The following ZNF717 variants were observed in gnomAD, a reference collection of about 807,000 sequenced individuals.
The protein encoded by ZNF717 is krueppel-like factor X17.
Under a neutral mutation model 13.8 loss-of-function variants are expected in ZNF717, and 9 were observed. The observed-to-expected ratio is 0.65, with a 90% confidence interval of 0.39 to 1.14. ZNF717 has a LOEUF of 1.14. Among genes scored for constraint, ZNF717 ranks in the 50% most tolerant of loss-of-function variants. The pLI is 0.01. For missense variants in ZNF717, 1,040 were observed against 1,080.7 expected, an observed-to-expected ratio of 0.96 and a Z score of 0.53; for synonymous variants, 327 against 364.1, an observed-to-expected ratio of 0.90 and a Z score of 1.16.
chr3:75,701,803 T>A (rs73112963), intron 6 of ZNF717, among the ~76,000 whole-genome samples: 1 of 151,350 alleles, frequency 6.6e-6, no homozygotes, highest in Non-Finnish European at 1.5e-5. Context: ...TATAATAATC[T>A]AATTAAAGAG....
chr3:75,733,881 A>C (rs867659251), downstream of ZNF717, among the ~76,000 whole-genome samples: 1,541 of 143,188 alleles, frequency 0.011, 33 homozygotes, highest in African/African-American at 0.037. Context: ...AAAAAAAAAA[A>C]CCATCAACTA....
intron 4 of ZNF717, among the ~76,000 whole-genome samples, chr3:75,723,474 T>C (rs1938210607): frequency 6.6e-6 from 1 of 152,234 alleles, no homozygotes. Context: ...AGAATAAGAA[T>C]ACTTGTACTA....
chr3:75,729,615 CAAAAAAAAAAA>C (rs369485280), downstream of ZNF717, among the ~76,000 whole-genome samples: 25 of 115,550 alleles, frequency 2.2e-4, no homozygotes, highest in African/African-American at 7.7e-4. Context: ...AACTCCATAT[CAAAAAAAAAAA>C]AAAAAAAAAA....
Position 75,738,966 on chromosome 3 carries a change from G to A in ZNF717, c.657C>T (p.Asn219=). 3 of 1,551,576 alleles carry A rather than the reference G, an allele frequency of 1.9e-6. No homozygotes were observed. The highest frequency in any genetic ancestry group is 1.2e-5 in the South Asian group (1 of 84,054). Reference sequence around the variant, plus strand: ...TATGTATAAAGAACATTGCCTCCGTGTTGAAGGTTTTCCCTTGTTCATTAC... The same window carrying A: ...TATGTATAAAGAACATTGCCTCCGTATTGAAGGTTTTCCCTTGTTCATTAC... ...FQCNEQGKTF[N]TEAMFFIHKR... Residue 219 remains asparagine, a synonymous_variant, in exon 5 of 5, where the codon AAC becomes AAT. Transcript: ENST00000652011.
At position 75,737,155 on chromosome 3, in the gene ZNF717, A is replaced by G; in HGVS notation, c.2468T>C (p.Phe823Ser). ...TACAAAGAGTTTTGACTTCTGGGAG[A>G]AGGTTTTCCTACATTCTTTACATTC... is the stretch of plus-strand genomic sequence containing the variant. ...PFECKECRKT[F>S]SQKSKLFVHH... Residue 823 changes from phenylalanine to serine, a missense_variant, in exon 5 of 5, where the codon TTC (phenylalanine) becomes TCC (serine). Around this residue, in one of 3 missense-constraint regions of ZNF717, gnomAD observed 873 missense variants for 832.8 expected, o/e 1.05. Coordinates refer to ENST00000652011, the MANE Select transcript of ZNF717 (RefSeq NM_001290208.3). The G allele has an allele frequency of 1.3e-6, 2 of 1,560,596 alleles. No individual in the cohort carries two copies. The highest frequency in any genetic ancestry group is 1.7e-6 in the Non-Finnish European group (2 of 1,152,616).
chr3:75,783,391 T>G, intron 1 of ZNF717, 27 bp from the exon 2 acceptor site: 8 of 1,541,800 alleles, frequency 5.2e-6, no homozygotes, highest in Non-Finnish European at 7.0e-6. Flanking sequence ...ATGACGTGAA[T>G]TAAGGAGAGA....
chr3:75,738,851 G>A lies in ZNF717; in HGVS notation c.772C>T (p.Gln258Ter). Residue 258 changes from glutamine (Q) to a stop codon, truncating the protein, a stop_gained, in exon 5 of 5, where the codon CAG becomes TAG. Coordinates refer to ENST00000652011, the MANE Select transcript of ZNF717 (RefSeq NM_001290208.3). LOFTEE classifies it low-confidence loss of function (END_TRUNC). Reference sequence around the variant, plus strand: ...CTACAGCAAGTTGGCTGTCCTACCTGAGTTATCACTTGGACAATAACAGCT... The same window carrying A: ...CTACAGCAAGTTGGCTGTCCTACCTAAGTTATCACTTGGACAATAACAGCT... ...NSAVIVQVIT[Q>*]VGQPTCCRKS... The A allele has an allele frequency of 6.4e-7, 1 of 1,551,236 alleles. No individual in the cohort carries two copies. The highest frequency in any genetic ancestry group is 8.7e-7 in the Non-Finnish European group (1 of 1,147,020).
intron 6 of ZNF717, among the ~76,000 whole-genome samples, chr3:75,699,732 T>C (rs1391503346): frequency 2.6e-5 from 4 of 152,428 alleles, no homozygotes; most frequent in African/African-American, 9.6e-5. Flanking sequence ...GATTATTTTT[T>C]ATAGCAATGT....
intron 6 of ZNF717, among the ~76,000 whole-genome samples, chr3:75,702,947 T>G (rs1419975309): frequency 6.6e-6 from 1 of 152,312 alleles, no homozygotes; most frequent in Non-Finnish European, 1.5e-5. Flanking sequence ...AAGAAGGATT[T>G]TTAATCCTAA....
At chr3:75,724,081 C>A (rs1483690346) in intron 4 of ZNF717, among the ~76,000 whole-genome samples, 1 of 151,226 alleles carries the variant, frequency 6.6e-6, no homozygotes, top group Admixed American at 6.6e-5. Context: ...CTCTCTCTCT[C>A]CCCACCTCGG....
chr3:75,733,778 C>CA (rs56196464), downstream of ZNF717, among the ~76,000 whole-genome samples: 27 of 26,628 alleles, frequency 1.0e-3, 1 homozygote, highest in African/African-American at 2.4e-3. Flanking sequence ...GACTCTATCT[C>CA]AAAAAAAAAA....
intron 2 of ZNF717, among the ~76,000 whole-genome samples, chr3:75,774,200 A>AAAGAAAGAAAG (rs1553684050): frequency 6.9e-4 from 100 of 143,934 alleles, no homozygotes; most frequent in African/African-American, 1.4e-3. Context: ...AAAAAAAAAA[A>AAAGAAAGAAAG]AAAGGAAAAA....
intron 2 of ZNF717, among the ~76,000 whole-genome samples, chr3:75,761,819 A>G (rs199805654): frequency 7.3e-6 from 1 of 137,462 alleles, no homozygotes; most frequent in Non-Finnish European, 1.6e-5. Context: ...GGGTGGACCA[A>G]CTGAGGTCAG....
At chr3:75,718,969 T>A (rs1337097840) in intron 4 of ZNF717, among the ~76,000 whole-genome samples, 1 of 152,038 alleles carries the variant, frequency 6.6e-6, no homozygotes, top group Non-Finnish European at 1.5e-5. Flanking sequence ...TGTTTGAGGG[T>A]CTTTTCTGAA....
In ZNF717 at chr3:75,764,488, T is replaced by A. The variant is rs77554629; in HGVS notation, c.57+18818A>T. 2.9e-3 allele frequency among the ~76,000 whole-genome samples: 392 copies of A among 133,418 alleles called. 7 individuals are homozygous for A. In the East Asian group the frequency reaches 0.075, roughly 26 times the overall value. 87.5% of individuals were successfully genotyped at this position (133,418 alleles called of 152,430 possible). On this transcript the variant is annotated intron_variant, in intron 2 of 4. Coordinates refer to ENST00000652011, the MANE Select transcript of ZNF717 (RefSeq NM_001290208.3). ...CCAACGTAATGAGGATGAACTGTGA[T>A]ATAATGAATGATCATGACCCTGGCC...
At chr3:75,714,532 A>G (rs1301423267) in intron 5 of ZNF717, among the ~76,000 whole-genome samples, 1 of 152,008 alleles carries the variant, frequency 6.6e-6, no homozygotes, top group Admixed American at 6.6e-5. Flanking sequence ...TGTATGATCT[A>G]TATCTAGTAT....
At chr3:75,694,706 ATAAAG>A (rs1339260306) in intron 6 of ZNF717, among the ~76,000 whole-genome samples, 12 of 152,364 alleles carry the variant, frequency 7.9e-5, no homozygotes, top group East Asian at 3.8e-4. Flanking sequence ...AAGAATGGCA[ATAAAG>A]TATAGTTTTT....
intron 2 of ZNF717, among the ~76,000 whole-genome samples, chr3:75,781,644 C>T (rs1313742516): frequency 6.6e-6 from 1 of 152,144 alleles, no homozygotes; most frequent in Non-Finnish European, 1.5e-5. Flanking sequence ...ATTTATAAGA[C>T]ATCAAGGGCT....
intron 2 of ZNF717, among the ~76,000 whole-genome samples, chr3:75,766,463 C>G (rs1041454785): frequency 5.3e-5 from 8 of 152,086 alleles, no homozygotes; most frequent in African/African-American, 1.9e-4. Context: ...GTAAAAGAAT[C>G]AGAGAGGATG....
Sources: allele counts gnomAD v4.1 joint callset (sites outside exome capture counted in the v4.1 genomes callset), GRCh38; gene constraint gnomAD v4.1.1; regional missense constraint gnomAD v4.1.1; transcripts MANE v1.5; gene names NCBI Gene and HGNC (gene_info 2026-07-23, HGNC 2026-07-21).